CR2: variants seen among roughly 807,000 people sequenced by gnomAD.
CR2 encodes the protein complement C3d receptor 2.
A neutral mutation model predicts 123.0 loss-of-function variants in CR2; 96 were observed. The observed-to-expected ratio is 0.78, with a 90% confidence interval of 0.66 to 0.93. The LOEUF is 0.93. Among genes scored for constraint, CR2 ranks in the 40% least tolerant of loss-of-function variants. CR2 has a pLI of 0.00. For synonymous variants in CR2, 484 were observed against 469.5 expected (o/e 1.03, Z -0.40); for missense variants, 1,258 against 1,361.0 (o/e 0.92, Z 1.19).
intron 9 of CR2, among the ~76,000 whole-genome samples, chr1:207,472,184 G>C (rs1658301289): frequency 6.6e-6 from 1 of 152,012 alleles, no homozygotes; most frequent in Non-Finnish European, 1.5e-5. Flanking sequence ...GGGAGGCGGA[G>C]ATTGCAGTGA....
intron 5 of CR2, 105 bp downstream of exon 5, chr1:207,469,337 G>T: frequency 1.1e-6 from 1 of 930,734 alleles, no homozygotes; most frequent in African/African-American, 1.6e-5. Context: ...AGAACTCCTA[G>T]AGATCTTTAA....
chr1:207,482,983 C>A (rs571329868), intron 18 of CR2, among the ~76,000 whole-genome samples: 2 of 151,444 alleles, frequency 1.3e-5, no homozygotes, highest in African/African-American at 4.9e-5. Flanking sequence ...AACCCTGACA[C>A]GTAAATCTTG....
At chr1:207,480,542 C>T (rs1418336150) in intron 18 of CR2, among the ~76,000 whole-genome samples, 1 of 152,044 alleles carries the variant, frequency 6.6e-6, no homozygotes, top group Non-Finnish European at 1.5e-5. Flanking sequence ...TCCAAATTTA[C>T]TTTGATAATA....
In CR2 at chr1:207,473,191, A is replaced by C. The variant is rs574894761; in HGVS notation, c.1978+12A>C. On this transcript the variant is annotated intron_variant, in intron 10 of 19. Transcript: ENST00000367057. ...AGTTTGTGAAAAAGGTAAAAACCCA[A>C]TAAGGGGGAAAAAAGGAGAGATTTA... 6.2e-7 allele frequency: 1 copy of C among 1,613,200 alleles called. No homozygotes were observed. The highest frequency in any genetic ancestry group is 1.1e-5 in the South Asian group (1 of 90,984).
chr1:207,465,812 C>A (rs553133667), intron 1 of CR2, among the ~76,000 whole-genome samples: 6 of 152,254 alleles, frequency 3.9e-5, no homozygotes, highest in South Asian at 2.1e-4. Context: ...AATATGAGGC[C>A]ATTATTCAAA....
At chr1:207,469,539 A>G (rs996255055) in intron 5 of CR2, among the ~76,000 whole-genome samples, 156 bp from the exon 6 acceptor site, 2 of 152,170 alleles carry the variant, frequency 1.3e-5, no homozygotes, top group African/African-American at 2.4e-5. Context: ...AAGCTTGAGA[A>G]TCAATCTTCT....
In CR2 at chr1:207,479,316, T is replaced by C. The variant is rs376003767; in HGVS notation, c.3112+36T>C. ...TTAAATACTTGAAGAAAAGCTCTTATAATATTTTTTAAAAATATGTAATGC... is the reference window on the plus strand; with the variant it reads ...TTAAATACTTGAAGAAAAGCTCTTACAATATTTTTTAAAAATATGTAATGC... On this transcript the variant is annotated intron_variant, in intron 17 of 19. Transcript: ENST00000367057. The C allele has an allele frequency of 4.5e-5, 66 of 1,478,948 alleles. 1 individual carries two copies. Among genetic ancestry groups the C allele is most frequent in the Non-Finnish European group, 5.8e-5 (62 of 1,063,860 alleles). 91.6% of individuals were successfully genotyped at this position (1,478,948 alleles called of 1,614,324 possible). A position where few individuals can be genotyped will look rare whatever the true frequency, so the allele number is the denominator to read the frequency against.
Position 207,466,535 on chromosome 1 carries a change from G to A in CR2, c.68G>A (p.Cys23Tyr). ...CTTTTCTACTTTTCAGGGATTTCTT[G>A]TGGCTCTCCTCCGCCTATCCTAAAT... Reference protein sequence around the residue: ...LVAPGVLGISCGSPPPILNGR... With the variant: ...LVAPGVLGISYGSPPPILNGR... The change falls in exon 2 of 20, where the codon TGT becomes TAT. Residue 23 changes from cysteine (C) to tyrosine (Y), a missense_variant. Coordinates refer to ENST00000367057, the MANE Select transcript of CR2 (RefSeq NM_001006658.3). 1 of 1,613,918 alleles carries A rather than the reference G, an allele frequency of 6.2e-7. No individual in the cohort carries two copies. Among genetic ancestry groups the A allele is most frequent in the Non-Finnish European group, 8.5e-7 (1 of 1,179,946 alleles).
chr1:207,465,574 GTT>G (rs1369581006), intron 1 of CR2, among the ~76,000 whole-genome samples: 5 of 152,146 alleles, frequency 3.3e-5, no homozygotes, highest in African/African-American at 1.2e-4. Context: ...GTTCTCGAAA[GTT>G]ACCCTTACTG....
At chr1:207,470,349 TGAG>T (rs1658233382) in intron 6 of CR2, among the ~76,000 whole-genome samples, 2 of 151,880 alleles carry the variant, frequency 1.3e-5, no homozygotes, top group Non-Finnish European at 2.9e-5. Context: ...GGGGAAAAAA[TGAG>T]GAGAAAAATG....
At chr1:207,455,733 T>C (rs950371646) in intron 1 of CR2, among the ~76,000 whole-genome samples, 1 of 152,246 alleles carries the variant, frequency 6.6e-6, no homozygotes, top group Non-Finnish European at 1.5e-5. Context: ...AGTACGTCCC[T>C]GACTTCTCAC....
intron 14 of CR2, among the ~76,000 whole-genome samples, 200 bp from the exon 15 acceptor site, chr1:207,476,034 C>T (rs931944544): frequency 6.6e-6 from 1 of 152,154 alleles, no homozygotes; most frequent in Admixed American, 6.5e-5. Flanking sequence ...TAACACTTTT[C>T]TTCAAATCAT....
At chr1:207,471,638 C>T in intron 9 of CR2, 139 bp downstream of exon 9, 2 of 704,706 alleles carry the variant, frequency 2.8e-6, no homozygotes, top group Non-Finnish European at 5.2e-6. Flanking sequence ...TATGGTTGCA[C>T]AGTTTTACCA....
intron 2 of CR2, chr1:207,468,237 C>G: frequency 2.2e-6 from 1 of 452,934 alleles, no homozygotes; most frequent in Non-Finnish European, 4.0e-6. Context: ...GTCAGCATCT[C>G]GATCAAGCTT....
intron 12 of CR2, 58 bp downstream of exon 12, chr1:207,473,943 T>C (rs1389642217): frequency 6.6e-7 from 1 of 1,506,940 alleles, no homozygotes; most frequent in Non-Finnish European, 9.2e-7. Context: ...GTGGATTAAC[T>C]TGACCTTCAA....
intron 1 of CR2, among the ~76,000 whole-genome samples, chr1:207,460,618 G>A (rs1403210585): frequency 1.3e-5 from 2 of 152,174 alleles, no homozygotes; most frequent in East Asian, 3.9e-4. Context: ...TTAACTTCTT[G>A]TTTTCTGCTT....
intron 2 of CR2, chr1:207,468,256 C>T (rs776605145): frequency 3.1e-5 from 15 of 488,558 alleles, no homozygotes; most frequent in Non-Finnish European, 5.2e-5. Context: ...TTGTCCAACT[C>T]GCTACCCGTG....
intron 1 of CR2, among the ~76,000 whole-genome samples, chr1:207,462,556 C>T (rs544064219): frequency 7.2e-5 from 11 of 152,270 alleles, no homozygotes; most frequent in Admixed American, 3.9e-4. Flanking sequence ...GGCATGACCA[C>T]ATTTGTGTTT....
chr1:207,468,977 G>A (rs1367411498), intron 4 of CR2, 78 bp downstream of exon 4: 4 of 1,517,590 alleles, frequency 2.6e-6, no homozygotes, highest in South Asian at 1.1e-5. Context: ...ACCTGCAGAA[G>A]TCTCCTCTGT....
Sources: gnomAD v4.1 joint callset for allele counts (sites outside exome capture counted in the v4.1 genomes callset) on GRCh38, gnomAD v4.1.1 for gene constraint, MANE v1.5 for transcripts, NCBI Gene and HGNC (gene_info 2026-07-23, HGNC 2026-07-21) for gene names.